The following PDE4D variants were observed in gnomAD, a reference collection of about 807,000 sequenced individuals.
PDE4D encodes the protein phosphodiesterase 4D.
PDE4D carries 24 observed loss-of-function variants against 87.4 expected under a neutral mutation model. The ratio of observed to expected loss-of-function variants is 0.27; its 90% CI spans 0.20 to 0.39. PDE4D has a LOEUF of 0.39. Ranked by LOEUF, PDE4D falls within the 10% of genes least tolerant of loss-of-function variation. The pLI is 1.00. For synonymous variants in PDE4D, 384 were observed against 383.2 expected, an observed-to-expected ratio of 1.00 and a Z score of -0.02; for missense variants, 714 against 1,041.0, an observed-to-expected ratio of 0.69 and a Z score of 4.32.
At chr5:59,147,739 T>G (rs1778882831) in intron 5 of PDE4D, among the ~76,000 whole-genome samples, 1 of 152,246 alleles carries the variant, frequency 6.6e-6, no homozygotes, top group Admixed American at 6.5e-5. Context: ...GCAAGAGCTT[T>G]AACTTAGTAA....
Position 59,328,346 on chromosome 5 carries a change from A to C in PDE4D, c.456-112378T>G, listed in dbSNP as rs560785380. The stretch of plus-strand genomic sequence containing the variant: ...GTGAGGATTAAAGCACTTCACATAT[A>C]TGAAACACTGGCACAATGTAGGTAT... On this transcript the variant is annotated intron_variant, in intron 1 of 14. Coordinates refer to ENST00000340635, the MANE Select transcript of PDE4D (RefSeq NM_001104631.2). Among the ~76,000 whole-genome samples the C allele has an allele frequency of 2.0e-5, 3 of 152,308 alleles. No individual in the cohort carries two copies. In the East Asian group the frequency reaches 5.8e-4, roughly 29 times the overall value.
intron 5 of PDE4D, among the ~76,000 whole-genome samples, chr5:59,117,187 T>C (rs960193557): frequency 8.5e-5 from 13 of 152,226 alleles, no homozygotes; most frequent in Admixed American, 5.9e-4. Context: ...TACTGCTGAA[T>C]TGAATTACTC....
intron 1 of PDE4D, among the ~76,000 whole-genome samples, chr5:60,462,117 C>T (rs761247023): frequency 1.3e-5 from 2 of 152,144 alleles, no homozygotes; most frequent in Non-Finnish European, 1.5e-5. Context: ...TCCATGGAAC[C>T]AGCAGTCTGC....
At chr5:59,991,349 A>G (rs769770814) in intron 2 of PDE4D, among the ~76,000 whole-genome samples, 1 of 152,174 alleles carries the variant, frequency 6.6e-6, no homozygotes, top group Non-Finnish European at 1.5e-5. Context: ...GATCTGGAAT[A>G]GGACCTGGGA....
chr5:58,983,817 T>G (rs1745790901), intron 11 of PDE4D, among the ~76,000 whole-genome samples: 2 of 152,236 alleles, frequency 1.3e-5, no homozygotes, highest in South Asian at 4.1e-4. Flanking sequence ...GTGCCCCATC[T>G]AAACTAGCAG....
At chr5:60,333,850 G>C (rs943632517) in intron 1 of PDE4D, among the ~76,000 whole-genome samples, 2 of 152,140 alleles carry the variant, frequency 1.3e-5, no homozygotes, top group Non-Finnish European at 2.9e-5. Context: ...GGTTGAAAGA[G>C]AAGAGGGAAA....
intron 1 of PDE4D, among the ~76,000 whole-genome samples, chr5:59,556,071 T>C (rs1404840044): frequency 6.6e-6 from 1 of 152,176 alleles, no homozygotes; most frequent in African/African-American, 2.4e-5. Flanking sequence ...TTAGAGTTTA[T>C]GGACCTTGCT....
chr5:59,217,381 C>T (rs767813444), intron 1 of PDE4D: 54 of 422,092 alleles, frequency 1.3e-4, no homozygotes, highest in Non-Finnish European at 2.1e-4. Flanking sequence ...TTTTCTTTAT[C>T]GGAGTCATTA....
At chr5:59,219,133 A>C (rs71592679) in intron 1 of PDE4D, among the ~76,000 whole-genome samples, 5,226 of 150,772 alleles carry the variant, frequency 0.035, 178 homozygotes, top group Admixed American at 0.088. Flanking sequence ...AGCATGGCAC[A>C]TGTATACATA....
At chr5:59,711,230 A>C (rs1237450938) in intron 1 of PDE4D, among the ~76,000 whole-genome samples, 1 of 152,156 alleles carries the variant, frequency 6.6e-6, no homozygotes. Flanking sequence ...GCAAGCTGAC[A>C]TATCACACTT....
chr5:59,363,230 T>C (rs1289355027), intron 1 of PDE4D, among the ~76,000 whole-genome samples: 2 of 152,226 alleles, frequency 1.3e-5, no homozygotes, highest in Admixed American at 6.5e-5. Flanking sequence ...ATAGGGTAAC[T>C]AACATGAAAG....
chr5:59,501,809 C>A (rs770424856), intron 1 of PDE4D, among the ~76,000 whole-genome samples: 14 of 152,112 alleles, frequency 9.2e-5, no homozygotes, highest in Non-Finnish European at 1.6e-4. Flanking sequence ...GATGTGCATT[C>A]ATATTGATAG....
intron 1 of PDE4D, among the ~76,000 whole-genome samples, chr5:59,502,244 A>G (rs1808414081): frequency 6.6e-6 from 1 of 152,196 alleles, no homozygotes; most frequent in Non-Finnish European, 1.5e-5. Context: ...TGTGGTCAAC[A>G]AAATACCTAT....
chr5:60,160,898 T>C (rs1782420368), intron 2 of PDE4D: 6 of 405,520 alleles, frequency 1.5e-5, no homozygotes, highest in Admixed American at 3.1e-5. Flanking sequence ...ATGTCATTTT[T>C]TTAATTCTAG....
chr5:60,067,146 C>A (rs1240496410), intron 2 of PDE4D, among the ~76,000 whole-genome samples: 2 of 152,070 alleles, frequency 1.3e-5, no homozygotes, highest in African/African-American at 4.8e-5. Context: ...TCATTTTCCT[C>A]AAGTCTCCTA....
chr5:59,143,646 T>C (rs1034105196), intron 5 of PDE4D, among the ~76,000 whole-genome samples: 2 of 152,238 alleles, frequency 1.3e-5, no homozygotes, highest in Admixed American at 6.5e-5. Context: ...TTGCAAAACA[T>C]AGTATCTCAT....
At position 59,215,843 on chromosome 5, in the gene PDE4D, C is replaced by T; in HGVS notation, c.581G>A (p.Arg194Gln). The change falls in exon 2 of 15, where the codon CGA (arginine) becomes CAA (glutamine). Residue 194 changes from arginine (R) to glutamine (Q), a missense_variant. Transcript: ENST00000340635. ...AGAGAGGTCATAATCGCTGTCGGAT[C>T]GATACAGGAAGGACTCCCGTCGTTG... ...HSQRRESFLY[R>Q]SDSDYDLSPK... is the part of the protein sequence containing the mutation. 1 of 1,613,608 alleles carries T rather than the reference C, an allele frequency of 6.2e-7. No individual in the cohort carries two copies. Among genetic ancestry groups the T allele is most frequent in the Non-Finnish European group, 8.5e-7 (1 of 1,179,678 alleles).
rs550945440 is a variant in PDE4D, at chr5:60,084,510, C to G, written c.43-95793G>C. 7.9e-5 allele frequency among the ~76,000 whole-genome samples: 12 copies of G among 151,994 alleles called. No homozygotes were observed. The South Asian group carries it at 2.3e-3, about 29-fold the overall frequency. On this transcript the variant is annotated intron_variant, in intron 2 of 16. Coordinates refer to the PDE4D transcript ENST00000502484. ...GTCTTCTTTCCAGAAAAAAAAAAAT[C>G]TGCATATACCACTTCCCCTCCAAAA...
chr5:59,137,680 C>G (rs1258916659), intron 5 of PDE4D, among the ~76,000 whole-genome samples: 2 of 152,112 alleles, frequency 1.3e-5, no homozygotes, highest in Non-Finnish European at 2.9e-5. Context: ...GCGCCCGCCA[C>G]CACGCGTGGC....
Sources: allele counts gnomAD v4.1 joint callset (sites outside exome capture counted in the v4.1 genomes callset), GRCh38; gene constraint gnomAD v4.1.1; transcripts MANE v1.5; gene names NCBI Gene and HGNC (gene_info 2026-07-23, HGNC 2026-07-21).